ENTREP2: variants seen among roughly 807,000 people sequenced by gnomAD.
The protein encoded by ENTREP2 is endosomal transmembrane epsin interactor 2.
At chr15:29,128,162 C>T in the ENTREP2 span, among the ~76,000 whole-genome samples, 3 of 152,324 alleles carry the variant, frequency 2.0e-5, no homozygotes, top group South Asian at 2.1e-4. Context: ...TGTGACCCCT[C>T]GCAGGGGCCT....
chr15:29,330,505 G>T, the ENTREP2 span, among the ~76,000 whole-genome samples: 1 of 152,072 alleles, frequency 6.6e-6, no homozygotes, highest in Non-Finnish European at 1.5e-5. Flanking sequence ...TCCAAATCCA[G>T]TCTAATCATG....
the ENTREP2 span, among the ~76,000 whole-genome samples, chr15:29,250,229 T>C: frequency 6.6e-6 from 1 of 152,060 alleles, no homozygotes; most frequent in South Asian, 2.1e-4. Context: ...TGACTCCAAA[T>C]CCAGTACTGT....
At chr15:29,577,392 C>T in the ENTREP2 span, among the ~76,000 whole-genome samples, 1 of 150,816 alleles carries the variant, frequency 6.6e-6, no homozygotes, top group African/African-American at 2.4e-5. Context: ...GTTACTCTGT[C>T]ACCCAGGCTG....
the ENTREP2 span, among the ~76,000 whole-genome samples, chr15:29,132,243 G>A: frequency 6.6e-6 from 1 of 152,190 alleles, no homozygotes; most frequent in Non-Finnish European, 1.5e-5. Flanking sequence ...CTAGTCAGAG[G>A]GGCCTTGCTG....
chr15:29,269,211 G>T, the ENTREP2 span: 8 of 1,613,984 alleles, frequency 5.0e-6, no homozygotes, highest in African/African-American at 1.3e-5. Context: ...CCCTCATCTC[G>T]GCATCCTCCT....
chr15:29,626,729 T>G, the ENTREP2 span, among the ~76,000 whole-genome samples: 1 of 152,308 alleles, frequency 6.6e-6, no homozygotes, highest in Non-Finnish European at 1.5e-5. Flanking sequence ...CTTATCTTGT[T>G]CCATATCTTA....
chr15:29,394,784 A>C, the ENTREP2 span, among the ~76,000 whole-genome samples: 1 of 150,892 alleles, frequency 6.6e-6, no homozygotes, highest in Non-Finnish European at 1.5e-5. Context: ...TTCTGTCTCT[A>C]TATGAGTGGA....
At chr15:29,331,635 C>A in the ENTREP2 span, among the ~76,000 whole-genome samples, 4 of 152,162 alleles carry the variant, frequency 2.6e-5, no homozygotes, top group Non-Finnish European at 5.9e-5. Context: ...CACTGGTGCA[C>A]CGATATTCAG....
the ENTREP2 span, among the ~76,000 whole-genome samples, chr15:29,663,149 G>C: frequency 6.6e-6 from 1 of 152,154 alleles, no homozygotes; most frequent in African/African-American, 2.4e-5. Context: ...ACACATGCTT[G>C]GTGTGCTTCA....
chr15:29,318,094 C>A, the ENTREP2 span, among the ~76,000 whole-genome samples: 1 of 152,086 alleles, frequency 6.6e-6, no homozygotes, highest in Non-Finnish European at 1.5e-5. Context: ...GGAAAATTCC[C>A]AGCAACAAAC....
chr15:29,605,451 T>A, the ENTREP2 span, among the ~76,000 whole-genome samples: 1 of 152,224 alleles, frequency 6.6e-6, no homozygotes, highest in Admixed American at 6.5e-5. Flanking sequence ...TGAGTTTGTC[T>A]TATTTCACTT....
the ENTREP2 span, among the ~76,000 whole-genome samples, chr15:29,527,549 AAC>A: frequency 6.6e-6 from 1 of 152,182 alleles, no homozygotes; most frequent in Non-Finnish European, 1.5e-5. Context: ...TGTGAAATGA[AAC>A]ACAGAATTTA....
At chr15:29,477,389 C>G in the ENTREP2 span, among the ~76,000 whole-genome samples, 9 of 147,586 alleles carry the variant, frequency 6.1e-5, no homozygotes, top group Non-Finnish European at 1.2e-4. Context: ...CAGTTCTCTG[C>G]ATGTATGTTA....
the ENTREP2 span, among the ~76,000 whole-genome samples, chr15:29,672,874 C>A: frequency 0.11 from 16,911 of 151,954 alleles, 1,084 homozygotes; most frequent in African/African-American, 0.16. Flanking sequence ...GGATCTCACG[C>A]AAGAAAGAAT....
the ENTREP2 span, among the ~76,000 whole-genome samples, chr15:29,356,060 G>T: frequency 6.6e-6 from 1 of 151,750 alleles, no homozygotes; most frequent in Non-Finnish European, 1.5e-5. Context: ...AGCGATGGTG[G>T]TCACCCAGGG....
the ENTREP2 span, among the ~76,000 whole-genome samples, chr15:29,314,344 A>G: frequency 6.6e-6 from 1 of 152,198 alleles, no homozygotes; most frequent in Non-Finnish European, 1.5e-5. Flanking sequence ...GAGCCAATCA[A>G]TGCAGCAAAC....
chr15:29,503,008 AG>A, the ENTREP2 span, among the ~76,000 whole-genome samples: 1 of 152,126 alleles, frequency 6.6e-6, no homozygotes, highest in African/African-American at 2.4e-5. Flanking sequence ...CGTTGCTGAT[AG>A]GAATGTAAAA....
At chr15:29,460,537 C>T in the ENTREP2 span, among the ~76,000 whole-genome samples, 1 of 151,882 alleles carries the variant, frequency 6.6e-6, no homozygotes, top group Non-Finnish European at 1.5e-5. Context: ...GAGGCTGAGG[C>T]AGGAGAATCA....
the ENTREP2 span, among the ~76,000 whole-genome samples, chr15:29,647,561 G>A: frequency 6.6e-6 from 1 of 152,014 alleles, no homozygotes; most frequent in African/African-American, 2.4e-5. Flanking sequence ...GCCTTCTTTG[G>A]CATATCTGTA....
Sources: gnomAD v4.1 joint callset for allele counts (sites outside exome capture counted in the v4.1 genomes callset) on GRCh38, gnomAD v4.1.1 for gene constraint, MANE v1.5 for transcripts, NCBI Gene and HGNC (gene_info 2026-07-23, HGNC 2026-07-21) for gene names.